Variants in LNX1 observed in about 807,000 individuals in gnomAD.
The protein encoded by LNX1 is E3 ubiquitin-protein ligase LNX.
A neutral mutation model predicts 68.4 loss-of-function variants in LNX1; 54 were observed. The observed-to-expected ratio is 0.79, with a 90% CI of 0.63 to 0.99. The LOEUF (loss-of-function observed/expected upper bound fraction) is 0.99. Among genes scored for constraint, LNX1 ranks in the 50% least tolerant of loss-of-function variants. The pLI, the probability that LNX1 is intolerant of heterozygous loss-of-function variation, is 0.00. For synonymous variants in LNX1, 336 were observed against 350.0 expected (o/e 0.96, Z 0.45); for missense variants, 906 against 926.4 (o/e 0.98, Z 0.29).
intron 1 of LNX1, among the ~76,000 whole-genome samples, chr4:53,632,608 C>T (rs577128078): frequency 3.0e-4 from 46 of 152,308 alleles, no homozygotes; most frequent in African/African-American, 1.1e-3. Flanking sequence ...TGTATCTTTG[C>T]TTGGAATTTT....
At position 53,461,057 on chromosome 4, in the gene LNX1, A is replaced by C; in HGVS notation, c.2052-15T>G. 1 of 1,538,752 alleles carries C rather than the reference A, an allele frequency of 6.5e-7. No individual in the cohort carries two copies. The highest frequency in any genetic ancestry group is 8.7e-7 in the Non-Finnish European group (1 of 1,145,298). On this transcript the variant is annotated splice_polypyrimidine_tract_variant and intron_variant, in intron 10 of 10. Transcript: ENST00000263925. Reference sequence around the variant, plus strand: ...TATCACCACATCTAAAAAAAAAAACAAAACAAGATATGATTAGTATTTTAA... The same window carrying C: ...TATCACCACATCTAAAAAAAAAAACCAAACAAGATATGATTAGTATTTTAA...
upstream of LNX1, among the ~76,000 whole-genome samples, chr4:53,618,849 T>A (rs1235422548): frequency 2.0e-5 from 3 of 152,178 alleles, no homozygotes; most frequent in African/African-American, 4.8e-5. Flanking sequence ...TTAAAAAAAA[T>A]TTGGTCTGAT....
chr4:53,473,499 T>G (rs1425813913), intron 9 of LNX1, among the ~76,000 whole-genome samples: 1 of 152,194 alleles, frequency 6.6e-6, no homozygotes, highest in Non-Finnish European at 1.5e-5. Context: ...ATGTCTTTTG[T>G]GGGAATACGG....
intron 2 of LNX1, among the ~76,000 whole-genome samples, chr4:53,570,392 T>C (rs1470991411): frequency 6.7e-6 from 1 of 148,532 alleles, no homozygotes; most frequent in Non-Finnish European, 1.5e-5. Flanking sequence ...GAAACCATCA[T>C]TCTCAGTAAA....
intron 4 of LNX1, among the ~76,000 whole-genome samples, chr4:53,506,849 CTCTG>C (rs1725914896): frequency 3.6e-5 from 1 of 27,458 alleles, no homozygotes; most frequent in Non-Finnish European, 1.1e-4. Context: ...ACAAGCAAAA[CTCTG>C]TCTAAAAAAA....
intron 2 of LNX1, among the ~76,000 whole-genome samples, chr4:53,560,769 TG>T (rs1730229797): frequency 6.6e-6 from 1 of 152,208 alleles, no homozygotes; most frequent in South Asian, 2.1e-4. Context: ...ATAGTAATCC[TG>T]GGCTTCCTAC....
chr4:53,507,485 A>G lies in LNX1; in HGVS notation c.623-16T>C. The G allele has an allele frequency of 6.2e-7, 1 of 1,611,920 alleles. No individual in the cohort carries two copies. Among genetic ancestry groups the G allele is most frequent in the Non-Finnish European group, 8.5e-7 (1 of 1,178,016 alleles). On this transcript the variant is annotated splice_polypyrimidine_tract_variant and intron_variant, in intron 3 of 10. Transcript: ENST00000263925. ...AAGGGCCGTGCTGAGGAATAGCGACAGGAGGAACAGTAGTTATGATTTAAT... is the reference window on the plus strand; with the variant it reads ...AAGGGCCGTGCTGAGGAATAGCGACGGGAGGAACAGTAGTTATGATTTAAT...
At chr4:53,511,827 C>G (rs1553933724) in intron 2 of LNX1, among the ~76,000 whole-genome samples, 1 of 152,200 alleles carries the variant, frequency 6.6e-6, no homozygotes, top group Non-Finnish European at 1.5e-5. Flanking sequence ...GGTCACCCAA[C>G]AGGGCAGCGT....
chr4:53,472,687 A>AC (rs1185089666), intron 9 of LNX1, among the ~76,000 whole-genome samples: 1,530 of 123,470 alleles, frequency 0.012, 16 homozygotes, highest in African/African-American at 0.028. Context: ...AACAACAACA[A>AC]AAAAAAAAAA....
At chr4:53,485,144 T>C (rs910680252) in intron 6 of LNX1, among the ~76,000 whole-genome samples, 1 of 152,238 alleles carries the variant, frequency 6.6e-6, no homozygotes, top group Non-Finnish European at 1.5e-5. Context: ...AAGCCTCCCT[T>C]CTTCTAAATA....
At chr4:53,647,374 ATC>A (rs141120731) in intron 1 of LNX1, among the ~76,000 whole-genome samples, 1 of 152,066 alleles carries the variant, frequency 6.6e-6, no homozygotes, top group Admixed American at 6.6e-5. Context: ...TTAGGAAGCA[ATC>A]TCTCTCTCTC....
intron 2 of LNX1, among the ~76,000 whole-genome samples, chr4:53,604,532 T>G (rs1366226312): frequency 1.3e-5 from 2 of 152,202 alleles, no homozygotes; most frequent in Admixed American, 6.5e-5. Context: ...GAAATTATAA[T>G]GAGGGCTCCG....
chr4:53,614,635 C>T (rs1468780788), intron 2 of LNX1, among the ~76,000 whole-genome samples: 1 of 152,164 alleles, frequency 6.6e-6, no homozygotes, highest in East Asian at 1.9e-4. Context: ...TTAGACTTGC[C>T]TAAGTTGTGA....
At chr4:53,540,942 G>A (rs1026227214) in intron 2 of LNX1, among the ~76,000 whole-genome samples, 4 of 151,944 alleles carry the variant, frequency 2.6e-5, no homozygotes, top group Non-Finnish European at 5.9e-5. Flanking sequence ...CTCAAGACTA[G>A]CCTGGCCAAC....
chr4:53,551,411 C>A (rs896852872), intron 2 of LNX1, among the ~76,000 whole-genome samples: 3 of 152,148 alleles, frequency 2.0e-5, no homozygotes, highest in African/African-American at 2.4e-5. Context: ...AACTGGTGAT[C>A]AGCTTCCTAG....
intron 1 of LNX1, among the ~76,000 whole-genome samples, chr4:53,587,999 T>C (rs1429826277): frequency 6.6e-6 from 1 of 152,248 alleles, no homozygotes; most frequent in Non-Finnish European, 1.5e-5. Flanking sequence ...CTCAACGTAC[T>C]ACCGTTTCCA....
At chr4:53,578,733 T>A (rs890969712) in intron 1 of LNX1, among the ~76,000 whole-genome samples, 4 of 152,224 alleles carry the variant, frequency 2.6e-5, no homozygotes, top group African/African-American at 9.6e-5. Flanking sequence ...CTGAGAGCAA[T>A]TTGAATTCCC....
At chr4:53,562,838 C>T (rs1166729956) in intron 2 of LNX1, among the ~76,000 whole-genome samples, 5 of 152,102 alleles carry the variant, frequency 3.3e-5, no homozygotes, top group African/African-American at 7.2e-5. Flanking sequence ...CTTGCTTTAG[C>T]CATTTCACAA....
At chr4:53,497,697 T>A (rs1406493330) in intron 5 of LNX1, among the ~76,000 whole-genome samples, 1 of 152,256 alleles carries the variant, frequency 6.6e-6, no homozygotes, top group African/African-American at 2.4e-5. Context: ...CCACTAGAAC[T>A]GGGAGGCAGC....
Sources: gnomAD v4.1 joint callset for allele counts (sites outside exome capture counted in the v4.1 genomes callset) on GRCh38, gnomAD v4.1.1 for gene constraint, MANE v1.5 for transcripts, NCBI Gene and HGNC (gene_info 2026-07-23, HGNC 2026-07-21) for gene names.